The following ANO4 variants were observed in gnomAD, a reference collection of about 807,000 sequenced individuals.
ANO4 encodes the protein anoctamin-4.
A neutral mutation model predicts 141.9 loss-of-function variants in ANO4; 69 were observed. The observed-to-expected ratio is 0.49, with a 90% CI of 0.40 to 0.59. ANO4 has a LOEUF of 0.59. Ranked by LOEUF, ANO4 falls within the 20% of genes least tolerant of loss-of-function variation. ANO4 has a pLI of 0.00. For synonymous variants in ANO4, 350 were observed against 394.3 expected, an observed-to-expected ratio of 0.89 and a Z score of 1.33; for missense variants, 894 against 1,162.2, an observed-to-expected ratio of 0.77 and a Z score of 3.36.
chr12:100,900,786 T>G (rs571941469), intron 1 of ANO4, among the ~76,000 whole-genome samples: 1 of 152,188 alleles, frequency 6.6e-6, no homozygotes, highest in Non-Finnish European at 1.5e-5. Context: ...TCTTCTGTAG[T>G]GAAGAATTTT....
chr12:100,806,957 AT>A (rs1236345532), intron 1 of ANO4, among the ~76,000 whole-genome samples: 2 of 152,008 alleles, frequency 1.3e-5, no homozygotes, highest in African/African-American at 4.8e-5. Context: ...GGCATAATAA[AT>A]TTTTATATAA....
At position 101,096,707 on chromosome 12, in the gene ANO4, G is replaced by A. The variant is rs543750466; in HGVS notation, c.1850+60G>A. On this transcript the variant is annotated intron_variant, in intron 19 of 27. Transcript: ENST00000392977. ...GAGGACAGAACACTTAGAAGGCACTGACTCGTGGGGACAGAGAAGCCCTCC... is the reference window on the plus strand; with the variant it reads ...GAGGACAGAACACTTAGAAGGCACTAACTCGTGGGGACAGAGAAGCCCTCC... 75 of 1,279,008 alleles carry A rather than the reference G, an allele frequency of 5.9e-5. No individual in the cohort carries two copies. The South Asian group carries it at 8.9e-4, about 15-fold the overall frequency. The allele number at this position is 1,279,008 out of a possible 1,614,324, so 79.2% of individuals were successfully genotyped here.
chr12:100,926,806 G>A (rs974846277), intron 3 of ANO4, among the ~76,000 whole-genome samples: 21 of 152,124 alleles, frequency 1.4e-4, no homozygotes, highest in Non-Finnish European at 2.5e-4. Flanking sequence ...TGCTTGTATG[G>A]AAGAAGAAAT....
At chr12:100,930,361 T>C (rs1474056733) in intron 3 of ANO4, among the ~76,000 whole-genome samples, 1 of 152,142 alleles carries the variant, frequency 6.6e-6, no homozygotes. Context: ...TTTTTGTATA[T>C]GGTGAGAGAT....
intron 1 of ANO4, among the ~76,000 whole-genome samples, chr12:100,833,378 T>C (rs2036737033): frequency 6.6e-6 from 1 of 152,152 alleles, no homozygotes; most frequent in African/African-American, 2.4e-5. Context: ...ATTAGCTTAC[T>C]ATTTTAGAGC....
At chr12:101,091,410 TG>T (rs750880572) in intron 17 of ANO4, among the ~76,000 whole-genome samples, 1 of 152,146 alleles carries the variant, frequency 6.6e-6, no homozygotes. Flanking sequence ...TGAGGTTTTG[TG>T]GGTACCATTA....
At chr12:100,926,575 A>G (rs1209753837) in intron 3 of ANO4, among the ~76,000 whole-genome samples, 1 of 151,786 alleles carries the variant, frequency 6.6e-6, no homozygotes, top group Non-Finnish European at 1.5e-5. Flanking sequence ...ACAGGCATTT[A>G]CATGTGAAAG....
chr12:100,798,426 C>T (rs1329452057), intron 1 of ANO4, among the ~76,000 whole-genome samples: 2 of 152,166 alleles, frequency 1.3e-5, no homozygotes, highest in East Asian at 3.8e-4. Flanking sequence ...CTCTGGTAAT[C>T]TACTTGGAAA....
At chr12:101,090,348 C>T (rs1295799605) in intron 17 of ANO4, among the ~76,000 whole-genome samples, 2 of 152,148 alleles carry the variant, frequency 1.3e-5, no homozygotes, top group Non-Finnish European at 2.9e-5. Flanking sequence ...GGAACCAACC[C>T]AAATCTCCAT....
chr12:101,116,574 A>C, intron 24 of ANO4, 105 bp from the exon 25 acceptor site: 1 of 1,520,134 alleles, frequency 6.6e-7, no homozygotes, highest in South Asian at 1.2e-5. Flanking sequence ...GGGCCAGTTA[A>C]AGGCATTTAC....
intron 7 of ANO4, among the ~76,000 whole-genome samples, chr12:100,975,278 T>C (rs1323193411): frequency 6.6e-6 from 1 of 151,964 alleles, no homozygotes; most frequent in Non-Finnish European, 1.5e-5. Context: ...GAGCAATGTA[T>C]ACTGTACCCA....
chr12:100,820,627 T>G (rs1302320041), intron 1 of ANO4, among the ~76,000 whole-genome samples: 1 of 152,054 alleles, frequency 6.6e-6, no homozygotes, highest in Non-Finnish European at 1.5e-5. Flanking sequence ...TCTACTGCTA[T>G]GTCAGTTAAT....
At chr12:100,753,998 C>T (rs1200293022) in intron 3 of ANO4, among the ~76,000 whole-genome samples, 2 of 152,168 alleles carry the variant, frequency 1.3e-5, no homozygotes, top group African/African-American at 4.8e-5. Context: ...CATTTGCAGT[C>T]ATCATCCCTC....
At chr12:100,789,134 A>ATG (rs893199939) in intron 3 of ANO4, among the ~76,000 whole-genome samples, 3 of 152,248 alleles carry the variant, frequency 2.0e-5, no homozygotes, top group African/African-American at 7.2e-5. Context: ...AATATAATGG[A>ATG]TGTATGCATA....
intron 9 of ANO4, among the ~76,000 whole-genome samples, chr12:101,036,834 T>C (rs1361273732): frequency 2.0e-5 from 3 of 152,232 alleles, no homozygotes; most frequent in African/African-American, 4.8e-5. Flanking sequence ...ATAATGTATA[T>C]GCATATCAAG....
intron 1 of ANO4, among the ~76,000 whole-genome samples, chr12:100,824,973 G>A (rs551417156): frequency 1.3e-5 from 2 of 151,980 alleles, no homozygotes; most frequent in Non-Finnish European, 2.9e-5. Context: ...CATGCAAATT[G>A]TGCATAGATT....
intron 1 of ANO4, among the ~76,000 whole-genome samples, chr12:100,824,400 A>G (rs1265791560): frequency 6.6e-6 from 1 of 152,090 alleles, no homozygotes; most frequent in Non-Finnish European, 1.5e-5. Flanking sequence ...ACAAGCAATA[A>G]AAAGACAGCA....
At chr12:100,839,766 A>C (rs2037138655) in intron 1 of ANO4, among the ~76,000 whole-genome samples, 1 of 152,066 alleles carries the variant, frequency 6.6e-6, no homozygotes, top group African/African-American at 2.4e-5. Context: ...CCACTAGTTA[A>C]TTTAGTGTGG....
At chr12:101,122,814 A>G (rs10745906) in intron 26 of ANO4, among the ~76,000 whole-genome samples, 72,519 of 152,056 alleles carry the variant, frequency 0.48, 20,434 homozygotes, top group African/African-American at 0.8. Flanking sequence ...ATTTTCCAAT[A>G]GGACTGGGTA....
Sources: allele counts gnomAD v4.1 joint callset (sites outside exome capture counted in the v4.1 genomes callset), GRCh38; gene constraint gnomAD v4.1.1; transcripts MANE v1.5; gene names NCBI Gene and HGNC (gene_info 2026-07-23, HGNC 2026-07-21).